TEX36: variants seen among roughly 807,000 people sequenced by gnomAD.
TEX36 encodes the protein testis expressed 36, also known as testis-expressed protein 36.
In TEX36, 12 loss-of-function variants were observed where a neutral mutation model predicts 13.6. That is an observed-to-expected ratio of 0.88 (90% CI 0.56 to 1.43). The LOEUF is 1.43. Ranked by LOEUF, TEX36 falls within the 40% of genes most tolerant of loss-of-function variation. TEX36 has a pLI of 0.00. For missense variants in TEX36, 224 were observed against 228.3 expected (o/e 0.98, Z 0.12); for synonymous variants, 93 against 83.0 (o/e 1.12, Z -0.65).
intron 1 of TEX36, among the ~76,000 whole-genome samples, chr10:125,666,308 C>T (rs189592417): frequency 6.6e-6 from 1 of 152,278 alleles, no homozygotes; most frequent in African/African-American, 2.4e-5. Flanking sequence ...AACTTTACTC[C>T]ATTCAGTATG....
intron 3 of TEX36, among the ~76,000 whole-genome samples, chr10:125,624,977 T>A (rs1015380582): frequency 6.6e-6 from 1 of 152,158 alleles, no homozygotes; most frequent in East Asian, 1.9e-4. Flanking sequence ...CCTTGGCCTC[T>A]GGAGAACAAA....
chr10:125,600,599 A>G (rs150872824), intron 3 of TEX36, among the ~76,000 whole-genome samples: 15 of 152,218 alleles, frequency 9.9e-5, no homozygotes, highest in East Asian at 5.8e-4. Context: ...ACATTTGTGG[A>G]AAGTGAGGAC....
intron 3 of TEX36, among the ~76,000 whole-genome samples, chr10:125,656,631 G>A (rs915228870): frequency 6.6e-6 from 1 of 151,888 alleles, no homozygotes. Context: ...ACACTATGAC[G>A]ACTGTCTCAA....
chr10:125,669,281 C>T (rs1847179991), intron 1 of TEX36, among the ~76,000 whole-genome samples: 1 of 150,982 alleles, frequency 6.6e-6, no homozygotes, highest in Non-Finnish European at 1.5e-5. Flanking sequence ...CAGAGTGAGA[C>T]TCCATCTCAA....
chr10:125,590,563 TA>T (rs1846009897), intron 3 of TEX36, among the ~76,000 whole-genome samples: 1 of 152,170 alleles, frequency 6.6e-6, no homozygotes, highest in African/African-American at 2.4e-5. Context: ...CGGCAGATAT[TA>T]TTATTACTAT....
intron 3 of TEX36, among the ~76,000 whole-genome samples, chr10:125,610,798 T>G (rs1014190360): frequency 6.6e-6 from 1 of 152,250 alleles, no homozygotes; most frequent in African/African-American, 2.4e-5. Flanking sequence ...TTTTAGTTTT[T>G]CTTTTCACGA....
rs140651215 is a variant in TEX36, at chr10:125,595,756, C to T, written c.265-18882G>A. On this transcript the variant is annotated intron_variant, in intron 3 of 3. Coordinates refer to the TEX36 transcript ENST00000532135. ...TGCCACCTCCTCAGAGCATCCTGCC[C>T]TTACCACTTTGTCTAGGATGGCAGT... Among the ~76,000 whole-genome samples the T allele has an allele frequency of 1.2e-4, 19 of 152,326 alleles. No individual in the cohort carries two copies. In the East Asian group the frequency reaches 2.7e-3, roughly 22 times the overall value.
At chr10:125,636,627 G>C (rs111460357) in intron 3 of TEX36, among the ~76,000 whole-genome samples, 1 of 151,986 alleles carries the variant, frequency 6.6e-6, no homozygotes, top group African/African-American at 2.4e-5. Flanking sequence ...TTCTAAACCC[G>C]TGTTCCAGTT....
In TEX36 at chr10:125,682,842, T is replaced by C. The variant is rs114448019; in HGVS notation, c.51+97A>G. ...AAGTGAAGTGATTTGTCAAAGGTCATGCTTCAGTAATAGTAGAAGCAGGAT... is the reference window on the plus strand; with the variant it reads ...AAGTGAAGTGATTTGTCAAAGGTCACGCTTCAGTAATAGTAGAAGCAGGAT... On this transcript the variant is annotated intron_variant, in intron 1 of 3. Transcript: ENST00000368821. 1.9e-3 allele frequency: 2,548 copies of C among 1,349,056 alleles called. 55 individuals carry two copies. The African/African-American group carries it at 0.034, about 18-fold the overall frequency. 83.6% of individuals were successfully genotyped at this position (1,349,056 alleles called of 1,614,324 possible). A position where few individuals can be genotyped will look rare whatever the true frequency, so the allele number is the denominator to read the frequency against.
chr10:125,600,654 G>C (rs1846134602), intron 3 of TEX36, among the ~76,000 whole-genome samples: 4 of 152,286 alleles, frequency 2.6e-5, no homozygotes, highest in Middle Eastern at 6.8e-3. Context: ...TGATACCCCA[G>C]GGTCCCAATC....
rs997638456 is a variant in TEX36, at chr10:125,593,925, C to T, written c.265-17051G>A. On this transcript the variant is annotated intron_variant, in intron 3 of 3. Coordinates refer to the TEX36 transcript ENST00000532135. ...TTGATTTTATGTTATGCAAATTTCA[C>T]CTGAATTTTAAAAGAGAAAAGAACA... Among the ~76,000 whole-genome samples the T allele has an allele frequency of 3.3e-5, 5 of 152,214 alleles. No homozygotes were observed. In the South Asian group the frequency reaches 1.0e-3, roughly 32 times the overall value.
chr10:125,667,461 C>A, intron 1 of TEX36: 1 of 710,484 alleles, frequency 1.4e-6, no homozygotes. Flanking sequence ...TTTTCCATGA[C>A]GGCAAGGGCT....
chr10:125,612,938 T>C (rs897959674), intron 3 of TEX36, among the ~76,000 whole-genome samples: 2 of 152,032 alleles, frequency 1.3e-5, no homozygotes, highest in Non-Finnish European at 2.9e-5. Flanking sequence ...CAAAGATAAT[T>C]TCCATCATTC....
chr10:125,604,798 G>T (rs984077791), intron 3 of TEX36, among the ~76,000 whole-genome samples: 4 of 151,842 alleles, frequency 2.6e-5, no homozygotes, highest in South Asian at 4.2e-4. Flanking sequence ...GAGACAGAGC[G>T]AGACTCTCTC....
chr10:125,641,306 G>A (rs1271467369), intron 3 of TEX36, among the ~76,000 whole-genome samples: 2 of 152,242 alleles, frequency 1.3e-5, no homozygotes, highest in Non-Finnish European at 2.9e-5. Flanking sequence ...AAATGCTAAA[G>A]CAGACCAAAA....
intron 3 of TEX36, among the ~76,000 whole-genome samples, chr10:125,633,877 G>A (rs889624399): frequency 6.6e-6 from 1 of 152,122 alleles, no homozygotes; most frequent in African/African-American, 2.4e-5. Context: ...GACGCCTGGC[G>A]AACAAAGGCA....
intron 3 of TEX36, among the ~76,000 whole-genome samples, chr10:125,577,373 C>T (rs1845836845): frequency 6.6e-6 from 1 of 152,188 alleles, no homozygotes; most frequent in South Asian, 2.1e-4. Flanking sequence ...TGGCGCACGC[C>T]TGTAATCCCA....
chr10:125,606,609 G>GGGGGT (rs1437782318), intron 3 of TEX36, among the ~76,000 whole-genome samples: 11 of 152,286 alleles, frequency 7.2e-5, no homozygotes, highest in Admixed American at 6.5e-4. Flanking sequence ...GAAGTCAGCA[G>GGGGGT]GGACCAGAGC....
intron 3 of TEX36, among the ~76,000 whole-genome samples, chr10:125,643,326 A>C (rs1846716835): frequency 6.6e-6 from 1 of 152,206 alleles, no homozygotes; most frequent in South Asian, 2.1e-4. Context: ...CAGGTAAGCT[A>C]TCAAGGATCT....
Sources: gnomAD v4.1 joint callset for allele counts (sites outside exome capture counted in the v4.1 genomes callset) on GRCh38, gnomAD v4.1.1 for gene constraint, MANE v1.5 for transcripts, NCBI Gene and HGNC (gene_info 2026-07-23, HGNC 2026-07-21) for gene names.